Variants in CSDE1 observed in about 807,000 individuals in gnomAD.
CSDE1 encodes cold shock domain containing E1.
CSDE1 carries 17 observed loss-of-function variants against 89.3 expected under a neutral mutation model. The observed-to-expected ratio is 0.19, with a 90% CI of 0.13 to 0.29. The LOEUF (loss-of-function observed/expected upper bound fraction) is 0.29. Ranked by LOEUF, CSDE1 falls within the 10% of genes least tolerant of loss-of-function variation. The pLI, the probability that CSDE1 is intolerant of heterozygous loss-of-function variation, is 1.00. For missense variants in CSDE1, 672 were observed against 984.2 expected (o/e 0.68, Z 4.24); for synonymous variants, 322 against 332.8 (o/e 0.97, Z 0.35).
Position 114,742,185 on chromosome 1 carries a change from A to C in CSDE1, c.1-2295T>G, listed in dbSNP as rs146054810. 2.0e-5 allele frequency among the ~76,000 whole-genome samples: 3 copies of C among 152,284 alleles called. No homozygotes were observed. In the East Asian group the frequency reaches 5.8e-4, roughly 29 times the overall value. ...TTCTGAGGAAAGAGTGGAGAACTCCAAAAGAGGCCAACAGTGAAGTCCTCA... is the reference window on the plus strand; with the variant it reads ...TTCTGAGGAAAGAGTGGAGAACTCCCAAAGAGGCCAACAGTGAAGTCCTCA... On this transcript the variant is annotated intron_variant, in intron 2 of 19. Coordinates refer to ENST00000358528, the MANE Select transcript of CSDE1 (RefSeq NM_001007553.3).
chr1:114,732,905 T>A, intron 9 of CSDE1, 89 bp from the exon 10 acceptor site: 2 of 1,164,250 alleles, frequency 1.7e-6, no homozygotes, highest in Non-Finnish European at 2.5e-6. Flanking sequence ...TAAACCCATG[T>A]TATTTTTAAC....
intron 1 of CSDE1, among the ~76,000 whole-genome samples, chr1:114,757,308 A>T (rs1172982705): frequency 1.3e-5 from 2 of 152,132 alleles, no homozygotes; most frequent in Non-Finnish European, 2.9e-5. Flanking sequence ...TTCCCCTAAG[A>T]TATCTAGATG....
intron 13 of CSDE1, 101 bp downstream of exon 13, chr1:114,726,882 A>G: frequency 5.6e-6 from 4 of 712,990 alleles, no homozygotes; most frequent in Admixed American, 2.8e-5. Context: ...CACAAAATAT[A>G]TTTCAGCAAA....
At chr1:114,755,550 A>C (rs1661547460) in intron 1 of CSDE1, among the ~76,000 whole-genome samples, 1 of 152,242 alleles carries the variant, frequency 6.6e-6, no homozygotes, top group South Asian at 2.1e-4. Flanking sequence ...CCACACATGC[A>C]AGTGGAAAAC....
chr1:114,754,679 T>C (rs946316654), intron 1 of CSDE1, among the ~76,000 whole-genome samples: 1 of 152,246 alleles, frequency 6.6e-6, no homozygotes, highest in South Asian at 2.1e-4. Flanking sequence ...ATTTTTACTT[T>C]AGGATCTAAG....
intron 1 of CSDE1, among the ~76,000 whole-genome samples, chr1:114,752,666 T>C (rs1390391298): frequency 6.6e-6 from 1 of 152,134 alleles, no homozygotes; most frequent in African/African-American, 2.4e-5. Flanking sequence ...ATATGGGTCT[T>C]CCCACAAAAA....
intron 6 of CSDE1, among the ~76,000 whole-genome samples, chr1:114,735,261 T>C (rs1660338292): frequency 6.6e-6 from 1 of 152,186 alleles, no homozygotes; most frequent in South Asian, 2.1e-4. Flanking sequence ...AGTCTAAATG[T>C]TTTAAGAAAA....
At chr1:114,720,923 C>T (rs1006074180) in intron 16 of CSDE1, among the ~76,000 whole-genome samples, 1 of 152,164 alleles carries the variant, frequency 6.6e-6, no homozygotes, top group Non-Finnish European at 1.5e-5. Flanking sequence ...TGTCACAGCT[C>T]CCATCAGTAC....
At chr1:114,753,894 C>A (rs537172317) in intron 1 of CSDE1, among the ~76,000 whole-genome samples, 1 of 152,138 alleles carries the variant, frequency 6.6e-6, no homozygotes, top group Admixed American at 6.5e-5. Flanking sequence ...CTTGCCTGGG[C>A]GACAGAGTAA....
At chr1:114,744,135 G>A (rs1258954279) in intron 2 of CSDE1, among the ~76,000 whole-genome samples, 1 of 152,178 alleles carries the variant, frequency 6.6e-6, no homozygotes, top group Non-Finnish European at 1.5e-5. Context: ...AAAAATTAAA[G>A]ATGCTAACAA....
Position 114,732,638 on chromosome 1 carries a change from T to C in CSDE1, c.1016A>G (p.Asn339Ser). 6.2e-7 allele frequency: 1 copy of C among 1,614,186 alleles called. No individual in the cohort carries two copies. Among genetic ancestry groups the C allele is most frequent in the South Asian group, 1.1e-5 (1 of 91,082 alleles). Reference sequence around the variant, plus strand: ...GGCTTCATTAGTGAACTGAAATGTATTTGACAGAACTTCTATATTGGTTGC... The same window carrying C: ...GGCTTCATTAGTGAACTGAAATGTACTTGACAGAACTTCTATATTGGTTGC... ...ERATNIEVLS[N>S]TFQFTNEARE... Residue 339 changes from asparagine (N) to serine (S), a missense_variant, in exon 10 of 20, where the codon AAT becomes AGT. Coordinates refer to ENST00000358528, the MANE Select transcript of CSDE1 (RefSeq NM_001007553.3).
chr1:114,725,297 C>T lies in CSDE1; in HGVS notation c.1677G>A (p.Gly559=). Residue 559 remains glycine (G), a synonymous_variant, in exon 15 of 20, where the codon GGG becomes GGA. Coordinates refer to ENST00000358528, the MANE Select transcript of CSDE1 (RefSeq NM_001007553.3). ...TGGACAAGCTATACTCGACCATGTC[C>T]CCCAGTTCCAGGCTATCAACATCAC... ...FSGDVDSLEL[G]DMVEYSLSKG... 1 of 1,614,120 alleles carries T rather than the reference C, an allele frequency of 6.2e-7. No homozygotes were observed. The highest frequency in any genetic ancestry group is 8.5e-7 in the Non-Finnish European group (1 of 1,180,006).
intron 3 of CSDE1, 102 bp downstream of exon 3, chr1:114,739,590 G>A: frequency 1.0e-6 from 1 of 964,326 alleles, no homozygotes; most frequent in South Asian, 1.5e-5. Flanking sequence ...AGTCCAAAAT[G>A]TTTTAATTTA....
rs1343936117 is a variant in CSDE1, at chr1:114,725,093, C to T, written c.1753+128G>A. 6 of 740,102 alleles carry T rather than the reference C, an allele frequency of 8.1e-6. No individual in the cohort carries two copies. The African/African-American group carries it at 8.6e-5, about 11-fold the overall frequency. The allele number at this position is 740,102 out of a possible 1,614,324, so 45.8% of individuals were successfully genotyped here. On this transcript the variant is annotated intron_variant, in intron 15 of 19. Coordinates refer to ENST00000358528, the MANE Select transcript of CSDE1 (RefSeq NM_001007553.3). ...ATTTCTAACAAGCAACCAGGTGATG[C>T]TGCTGTTCTATGGAATCGCACATGA...
intron 2 of CSDE1, among the ~76,000 whole-genome samples, chr1:114,742,099 G>A (rs1660760657): frequency 6.6e-6 from 1 of 152,188 alleles, no homozygotes; most frequent in Admixed American, 6.5e-5. Flanking sequence ...TGTATTTATA[G>A]TCTAGGTTTC....
chr1:114,738,573 C>T (rs1253911826), intron 3 of CSDE1, among the ~76,000 whole-genome samples: 1 of 150,466 alleles, frequency 6.6e-6, no homozygotes, highest in African/African-American at 2.5e-5. Flanking sequence ...AGCTATTATA[C>T]TGACTCTTTT....
intron 12 of CSDE1, among the ~76,000 whole-genome samples, chr1:114,729,084 G>T (rs1444454353): frequency 6.6e-6 from 1 of 151,958 alleles, no homozygotes; most frequent in African/African-American, 2.4e-5. Context: ...TCTTTTCCTT[G>T]AAGTACAGAA....
chr1:114,756,460 G>A (rs1196301663), intron 1 of CSDE1, among the ~76,000 whole-genome samples: 1 of 152,196 alleles, frequency 6.6e-6, no homozygotes, highest in African/African-American at 2.4e-5. Context: ...ACCAAGGTAT[G>A]TATTATAGTG....
intron 17 of CSDE1, 73 bp from the exon 18 acceptor site, chr1:114,719,815 C>A: frequency 7.1e-7 from 1 of 1,410,532 alleles, no homozygotes; most frequent in Admixed American, 2.0e-5. Flanking sequence ...ATGCCTGCCC[C>A]TATCTAAAAG....
Sources: gnomAD v4.1 joint callset for allele counts (sites outside exome capture counted in the v4.1 genomes callset) on GRCh38, gnomAD v4.1.1 for gene constraint, MANE v1.5 for transcripts, NCBI Gene and HGNC (gene_info 2026-07-23, HGNC 2026-07-21) for gene names.